The following TENM2 variants were observed in gnomAD, a reference collection of about 807,000 sequenced individuals.
The protein encoded by TENM2 is teneurin-2.
TENM2 carries 52 observed loss-of-function variants against 245.2 expected under a neutral mutation model. The observed-to-expected ratio is 0.21, with a 90% confidence interval of 0.17 to 0.27. The LOEUF (loss-of-function observed/expected upper bound fraction) is 0.27. TENM2 is among the 10% of genes least tolerant of loss of function. TENM2 has a pLI of 1.00. For synonymous variants in TENM2, 1,363 were observed against 1,438.9 expected (o/e 0.95, Z 1.19); for missense variants, 3,046 against 3,666.8 (o/e 0.83, Z 4.37).
intron 2 of TENM2, among the ~76,000 whole-genome samples, chr5:167,568,661 G>GTA (rs1774068758): frequency 1.3e-5 from 2 of 150,004 alleles, no homozygotes; most frequent in African/African-American, 5.0e-5. Flanking sequence ...GTGTGTGTGT[G>GTA]TGTGTGTGTG....
chr5:167,368,081 G>C (rs187382527), intron 1 of TENM2, among the ~76,000 whole-genome samples: 29 of 151,796 alleles, frequency 1.9e-4, no homozygotes, highest in Admixed American at 1.8e-3. Flanking sequence ...TTAGAAAAAG[G>C]CCGCTTAAAA....
chr5:167,954,965 T>A (rs1177242777), intron 4 of TENM2, among the ~76,000 whole-genome samples: 1 of 152,018 alleles, frequency 6.6e-6, no homozygotes, highest in African/African-American at 2.4e-5. Context: ...TGATTTATAA[T>A]CCTTTGGGTT....
At chr5:168,206,055 C>T (rs189945046) in intron 19 of TENM2, among the ~76,000 whole-genome samples, 6 of 152,260 alleles carry the variant, frequency 3.9e-5, no homozygotes, top group African/African-American at 4.8e-5. Flanking sequence ...GTATAAGGAA[C>T]GAACAAAGAC....
At chr5:167,929,287 C>T (rs1348343946) in intron 3 of TENM2, among the ~76,000 whole-genome samples, 2 of 151,926 alleles carry the variant, frequency 1.3e-5, no homozygotes, top group South Asian at 4.2e-4. Context: ...GGGTGAAGAT[C>T]AGGATGATTC....
At chr5:167,704,101 G>A (rs1162181475) in intron 2 of TENM2, among the ~76,000 whole-genome samples, 8 of 152,150 alleles carry the variant, frequency 5.3e-5, no homozygotes, top group South Asian at 2.1e-4. Flanking sequence ...GAAATTGGCC[G>A]TGGTACAAGC....
intron 2 of TENM2, among the ~76,000 whole-genome samples, chr5:167,635,367 C>T (rs1779125919): frequency 6.6e-6 from 1 of 152,128 alleles, no homozygotes; most frequent in Non-Finnish European, 1.5e-5. Context: ...TGTCTCTCTC[C>T]TGCCCACCTT....
At chr5:167,317,618 A>G (rs1243348621) in intron 1 of TENM2, among the ~76,000 whole-genome samples, 2 of 152,196 alleles carry the variant, frequency 1.3e-5, no homozygotes, top group African/African-American at 2.4e-5. Flanking sequence ...ACTGCCTGCC[A>G]TTGTGATTAT....
At chr5:168,038,011 C>T (rs993982756) in intron 5 of TENM2, among the ~76,000 whole-genome samples, 1 of 152,162 alleles carries the variant, frequency 6.6e-6, no homozygotes, top group African/African-American at 2.4e-5. Flanking sequence ...AATAGAACCC[C>T]ATTCTTCACT....
At chr5:167,242,395 C>CCTGACACGTAGTAAATACTGAT in the TENM2 span, among the ~76,000 whole-genome samples, 1 of 147,734 alleles carries the variant, frequency 6.8e-6, no homozygotes, top group Admixed American at 6.8e-5. Flanking sequence ...TAGAAAAACT[C>CCTGACACGTAGTAAATACTGAT]CTGACACGTA....
In TENM2 at chr5:167,893,633, GT is replaced by G. The variant is rs1422354654; in HGVS notation, c.712+17451del. On this transcript the variant is annotated intron_variant, in intron 3 of 28. Transcript: ENST00000518659. The stretch of plus-strand genomic sequence containing the variant: ...AACAAACAAAAAAGGTTTTTTTGTT[GT>G]TTTTTTTTTTTTAGTAAGAGGCATT... Among the ~76,000 whole-genome samples the G allele has an allele frequency of 7.5e-3, 1,045 of 139,084 alleles. 16 individuals carry two copies. Among genetic ancestry groups the G allele is most frequent in the African/African-American group, 0.022 (862 of 38,376 alleles). 91.2% of individuals were successfully genotyped at this position (139,084 alleles called of 152,430 possible).
At chr5:167,786,530 A>G (rs998954058) in intron 2 of TENM2, among the ~76,000 whole-genome samples, 8 of 152,242 alleles carry the variant, frequency 5.3e-5, no homozygotes, top group African/African-American at 1.9e-4. Context: ...CACTCCTAAG[A>G]TTGAATCTCA....
At chr5:167,718,758 A>C (rs1759430886) in intron 2 of TENM2, among the ~76,000 whole-genome samples, 1 of 152,118 alleles carries the variant, frequency 6.6e-6, no homozygotes, top group Admixed American at 6.5e-5. Flanking sequence ...AGTTTGAGTC[A>C]ATAGTTTGGG....
intron 5 of TENM2, among the ~76,000 whole-genome samples, chr5:168,032,533 C>T (rs1787236349): frequency 6.6e-6 from 1 of 152,106 alleles, no homozygotes; most frequent in African/African-American, 2.4e-5. Context: ...GTTAGTATTG[C>T]CCTGGAATAA....
the TENM2 span, among the ~76,000 whole-genome samples, chr5:167,189,776 A>T: frequency 1.3e-5 from 2 of 152,008 alleles, no homozygotes; most frequent in African/African-American, 4.8e-5. Context: ...AAGTACCAAA[A>T]TTTAAATACC....
intron 2 of TENM2, among the ~76,000 whole-genome samples, chr5:167,860,995 C>T (rs1561866313): frequency 1.7e-5 from 2 of 114,328 alleles, no homozygotes; most frequent in African/African-American, 6.4e-5. Flanking sequence ...TGTCCCATGA[C>T]CCTGCCAAAT....
chr5:168,057,415 G>A (rs2152076909), intron 6 of TENM2, among the ~76,000 whole-genome samples: 1 of 152,130 alleles, frequency 6.6e-6, no homozygotes, highest in Non-Finnish European at 1.5e-5. Context: ...GGCTAATAAG[G>A]AATGCCATTT....
intron 1 of TENM2, among the ~76,000 whole-genome samples, chr5:167,305,981 C>T (rs7341056): frequency 0.26 from 39,111 of 152,004 alleles, 8,382 homozygotes; most frequent in African/African-American, 0.59. Context: ...ATTTACATTA[C>T]TGAAGAAGTC....
At chr5:168,088,890 C>A (rs1792688031) in intron 7 of TENM2, among the ~76,000 whole-genome samples, 1 of 152,130 alleles carries the variant, frequency 6.6e-6, no homozygotes, top group African/African-American at 2.4e-5. Flanking sequence ...GAGTTTCATT[C>A]TGTGAAGTTC....
At chr5:167,589,199 CAA>C (rs5873047) in intron 2 of TENM2, among the ~76,000 whole-genome samples, 2 of 139,198 alleles carry the variant, frequency 1.4e-5, no homozygotes. Flanking sequence ...GAGGCTGTCT[CAA>C]AAAAAAAAAA....
Sources: allele counts gnomAD v4.1 joint callset (sites outside exome capture counted in the v4.1 genomes callset), GRCh38; gene constraint gnomAD v4.1.1; transcripts MANE v1.5; gene names NCBI Gene and HGNC (gene_info 2026-07-23, HGNC 2026-07-21).